Variants in ANKRD30B observed in about 807,000 individuals in gnomAD.
ANKRD30B encodes ankyrin repeat domain 30B.
In ANKRD30B, 144 loss-of-function variants were observed where a neutral mutation model predicts 202.2. That is an observed-to-expected ratio of 0.71 (90% CI 0.62 to 0.82). The LOEUF (loss-of-function observed/expected upper bound fraction) is 0.82, where lower values mean the gene tolerates loss of function less well. ANKRD30B is among the 40% of genes least tolerant of loss of function. The pLI is 0.00. For missense variants in ANKRD30B, 1,487 were observed against 1,669.1 expected (o/e 0.89, Z 1.90); for synonymous variants, 508 against 561.3 (o/e 0.91, Z 1.34).
downstream of ANKRD30B, among the ~76,000 whole-genome samples, chr18:14,856,600 TC>T (rs1449544094): frequency 8.1e-4 from 86 of 106,206 alleles, no homozygotes; most frequent in African/African-American, 3.0e-3. Flanking sequence ...GCTCTTCACT[TC>T]CCAGATGGCG....
intron 34 of ANKRD30B, among the ~76,000 whole-genome samples, chr18:14,835,608 AT>A (rs1971137327): frequency 6.6e-6 from 1 of 151,582 alleles, no homozygotes; most frequent in Admixed American, 6.6e-5. Flanking sequence ...AATCATAGAT[AT>A]ATGTAAAAAC....
intron 39 of ANKRD30B, among the ~76,000 whole-genome samples, chr18:14,848,305 C>T (rs1056433263): frequency 6.6e-6 from 1 of 152,092 alleles, no homozygotes; most frequent in Middle Eastern, 3.2e-3. Context: ...TGGAGGCAGA[C>T]TACACTAGAG....
At position 14,768,404 on chromosome 18, in the gene ANKRD30B, T is replaced by C. The variant is rs532783680; in HGVS notation, c.1226-939T>C. On this transcript the variant is annotated intron_variant, in intron 7 of 43. Coordinates refer to ENST00000690538, the MANE Select transcript of ANKRD30B (RefSeq NM_001367607.2). ...TATTTGGGGCACTCTAGTACGTTAA[T>C]CAAACCCAAAGAGGGAGTCATGAGA... is the stretch of plus-strand genomic sequence containing the variant. Among the ~76,000 whole-genome samples the C allele has an allele frequency of 4.6e-5, 7 of 152,256 alleles. No individual in the cohort carries two copies. In the South Asian group the frequency reaches 1.0e-3, roughly 23 times the overall value.
At chr18:14,909,412 T>TTTG in the ANKRD30B span, among the ~76,000 whole-genome samples, 5 of 152,094 alleles carry the variant, frequency 3.3e-5, no homozygotes, top group African/African-American at 4.8e-5. Context: ...GAAGGCGCTA[T>TTTG]TTGTTGTTGT....
At chr18:14,846,999 G>A (rs529959083) in intron 39 of ANKRD30B, among the ~76,000 whole-genome samples, 1 of 139,500 alleles carries the variant, frequency 7.2e-6, no homozygotes, top group African/African-American at 2.6e-5. Context: ...GCTCTGTTTT[G>A]TTCTTTTATT....
intron 8 of ANKRD30B, among the ~76,000 whole-genome samples, chr18:14,770,666 A>G (rs1339411800): frequency 6.6e-6 from 1 of 152,206 alleles, no homozygotes; most frequent in African/African-American, 2.4e-5. Context: ...GTTTGATTAA[A>G]GATAAATTAG....
downstream of ANKRD30B, among the ~76,000 whole-genome samples, chr18:14,856,045 G>A (rs1972098999): frequency 7.3e-6 from 1 of 137,170 alleles, no homozygotes; most frequent in African/African-American, 2.7e-5. Context: ...CCCACATGGG[G>A]TGGCCGGGCA....
chr18:14,940,300 A>G, the ANKRD30B span, among the ~76,000 whole-genome samples: 1 of 152,218 alleles, frequency 6.6e-6, no homozygotes, highest in African/African-American at 2.4e-5. Flanking sequence ...TGGATGCAGC[A>G]TCTCTCCGAA....
the ANKRD30B span, among the ~76,000 whole-genome samples, chr18:14,896,493 A>T: frequency 6.6e-6 from 1 of 151,100 alleles, no homozygotes. Context: ...ACTAATTTTT[A>T]AATGCAGCTG....
At chr18:14,826,944 T>G (rs1005749147) in intron 32 of ANKRD30B, among the ~76,000 whole-genome samples, 1 of 152,152 alleles carries the variant, frequency 6.6e-6, no homozygotes, top group African/African-American at 2.4e-5. Context: ...ATCTCAAAGT[T>G]AGGTGAATAT....
chr18:14,776,305 A>C (rs184326983), intron 9 of ANKRD30B, among the ~76,000 whole-genome samples: 10 of 152,360 alleles, frequency 6.6e-5, no homozygotes, highest in African/African-American at 2.4e-4. Context: ...TAACAAATAA[A>C]AAACACTTAT....
chr18:14,887,322 T>C, the ANKRD30B span, among the ~76,000 whole-genome samples: 1 of 152,136 alleles, frequency 6.6e-6, no homozygotes, highest in East Asian at 1.9e-4. Flanking sequence ...ACTTTCAGTG[T>C]TGCCACCTTT....
At chr18:14,825,710 G>A (rs538939387) in intron 32 of ANKRD30B, among the ~76,000 whole-genome samples, 1 of 152,086 alleles carries the variant, frequency 6.6e-6, no homozygotes, top group East Asian at 1.9e-4. Flanking sequence ...CTACAGGTAG[G>A]GTTGCTTTTT....
At chr18:14,903,218 G>A in the ANKRD30B span, among the ~76,000 whole-genome samples, 1 of 152,100 alleles carries the variant, frequency 6.6e-6, no homozygotes, top group Non-Finnish European at 1.5e-5. Flanking sequence ...CTGAAGGCTT[G>A]CTAGTAAATA....
intron 34 of ANKRD30B, 42 bp from the exon 35 acceptor site, chr18:14,837,169 G>A: frequency 1.6e-6 from 2 of 1,259,114 alleles, no homozygotes; most frequent in Non-Finnish European, 2.2e-6. Context: ...TTTTTCTGAA[G>A]TTTTTTTTTT....
At chr18:14,794,833 C>A (rs1389627645) in intron 16 of ANKRD30B, among the ~76,000 whole-genome samples, 2 of 152,174 alleles carry the variant, frequency 1.3e-5, no homozygotes, top group African/African-American at 4.8e-5. Context: ...AACATATATA[C>A]TTGATATGTC....
intron 34 of ANKRD30B, among the ~76,000 whole-genome samples, chr18:14,833,496 A>T (rs1338558160): frequency 6.6e-6 from 1 of 152,224 alleles, no homozygotes; most frequent in East Asian, 1.9e-4. Context: ...TATCTTTTCA[A>T]GGAATACATT....
At chr18:14,844,793 G>A (rs1971565595) in intron 39 of ANKRD30B, among the ~76,000 whole-genome samples, 1 of 151,974 alleles carries the variant, frequency 6.6e-6, no homozygotes, top group African/African-American at 2.4e-5. Flanking sequence ...GTGTGAGATG[G>A]TATCTCATTG....
At chr18:14,919,190 C>T in the ANKRD30B span, among the ~76,000 whole-genome samples, 2 of 152,180 alleles carry the variant, frequency 1.3e-5, no homozygotes. Context: ...CAAGGACTTG[C>T]TAGTGTTCTT....
Sources: allele counts gnomAD v4.1 joint callset (sites outside exome capture counted in the v4.1 genomes callset), GRCh38; gene constraint gnomAD v4.1.1; transcripts MANE v1.5; gene names NCBI Gene and HGNC (gene_info 2026-07-23, HGNC 2026-07-21).